CSMD3: variants seen among roughly 807,000 people sequenced by gnomAD.
CSMD3 encodes the protein CUB and Sushi multiple domains 3.
CSMD3 carries 177 observed loss-of-function variants against 435.2 expected under a neutral mutation model. The ratio of observed to expected loss-of-function variants is 0.41; its 90% confidence interval spans 0.36 to 0.46. The LOEUF (loss-of-function observed/expected upper bound fraction) is 0.46. Ranked by LOEUF, CSMD3 falls within the 20% of genes least tolerant of loss-of-function variation. The probability of loss-of-function intolerance (pLI) is 0.34; values close to 1 mark genes in which losing one functional copy is unlikely to be tolerated. For missense variants in CSMD3, 4,265 were observed against 4,504.6 expected (o/e 0.95, Z 1.52); for synonymous variants, 1,656 against 1,520.5 (o/e 1.09, Z -2.07).
At chr8:112,577,298 T>C (rs1830018643) in intron 23 of CSMD3, among the ~76,000 whole-genome samples, 1 of 152,066 alleles carries the variant, frequency 6.6e-6, no homozygotes, top group Non-Finnish European at 1.5e-5. Flanking sequence ...AAAGATAAAT[T>C]ACTTTTAAAG....
At chr8:112,777,287 T>C (rs1037733899) in intron 13 of CSMD3, among the ~76,000 whole-genome samples, 2 of 151,886 alleles carry the variant, frequency 1.3e-5, no homozygotes, top group Admixed American at 1.3e-4. Context: ...AAAAGTAGTA[T>C]GTTTAATGTA....
intron 22 of CSMD3, among the ~76,000 whole-genome samples, chr8:112,626,203 G>A (rs1419055163): frequency 6.6e-6 from 1 of 152,022 alleles, no homozygotes; most frequent in Non-Finnish European, 1.5e-5. Flanking sequence ...CATTTACTAG[G>A]CAGAATAATG....
intron 1 of CSMD3, among the ~76,000 whole-genome samples, chr8:113,328,433 G>A (rs367614049): frequency 6.7e-5 from 9 of 135,068 alleles, no homozygotes; most frequent in African/African-American, 2.0e-4. Flanking sequence ...GCGAGACTCC[G>A]TCTCAAAAAA....
rs1196677425 is a variant in CSMD3, at chr8:112,740,481, T to A, written c.1973-50431A>T. On this transcript the variant is annotated intron_variant, in intron 13 of 70. Transcript: ENST00000297405. ...TGAAGATTCTAAGGTGAGTAAAATA[T>A]AATTTCCACGAGATGTGTAGTGAGG... Among the ~76,000 whole-genome samples, 3 of 151,866 alleles carry A rather than the reference T, an allele frequency of 2.0e-5. No homozygotes were observed. In the East Asian group the frequency reaches 5.8e-4, roughly 29 times the overall value.
intron 1 of CSMD3, among the ~76,000 whole-genome samples, chr8:113,403,289 T>C (rs951739319): frequency 6.6e-6 from 1 of 151,402 alleles, no homozygotes; most frequent in Admixed American, 6.6e-5. Flanking sequence ...GAAAAGATAA[T>C]ATTACTATAG....
rs559938333 is a variant in CSMD3, at chr8:112,413,851, CTG to C, written c.5396-4821_5396-4820del. 1.9e-3 allele frequency among the ~76,000 whole-genome samples: 296 copies of C among 152,274 alleles called. 1 individual carries two copies. Among genetic ancestry groups the C allele is most frequent in the African/African-American group, 6.6e-3 (276 of 41,554 alleles). On this transcript the variant is annotated intron_variant, in intron 32 of 70. Coordinates refer to ENST00000297405, the MANE Select transcript of CSMD3 (RefSeq NM_198123.2). The stretch of plus-strand genomic sequence containing the variant: ...CAACTAGGCCCTGACTATTTTACTT[CTG>C]TGTCTGTCTTTGCATTGTCCAACTT...
At chr8:112,468,232 G>GTGTTTTTTTTT (rs1818152244) in intron 32 of CSMD3, among the ~76,000 whole-genome samples, 2 of 114,882 alleles carry the variant, frequency 1.7e-5, no homozygotes, top group Admixed American at 9.5e-5. Flanking sequence ...ATTGCCTAAA[G>GTGTTTTTTTTT]TATTTTTTTT....
In CSMD3 at chr8:112,502,201, A is replaced by G. The variant is rs146002489; in HGVS notation, c.5083+1589T>C. 8.2e-4 allele frequency among the ~76,000 whole-genome samples: 125 copies of G among 152,256 alleles called. No individual in the cohort carries two copies. The East Asian group carries it at 0.022, about 27-fold the overall frequency. The stretch of plus-strand genomic sequence containing the variant: ...TGTTGTGGTCAAGCTCACTCTCTCT[A>G]AAAGAGTTTCGAACCCATATTCCCA... On this transcript the variant is annotated intron_variant, in intron 30 of 70. Transcript: ENST00000297405.
chr8:112,234,269 T>C, intron 68 of CSMD3, 96 bp downstream of exon 68: 1 of 766,422 alleles, frequency 1.3e-6, no homozygotes, highest in South Asian at 1.4e-5. Context: ...TGTGTATGTA[T>C]TCATAATTAG....
intron 32 of CSMD3, among the ~76,000 whole-genome samples, chr8:112,449,847 C>T (rs969737980): frequency 5.3e-5 from 8 of 152,084 alleles, no homozygotes; most frequent in East Asian, 1.9e-4. Context: ...CTCAGCCTCC[C>T]GAGTAGCTGG....
At chr8:112,893,620 A>G (rs16884198) in intron 10 of CSMD3, among the ~76,000 whole-genome samples, 4,832 of 151,554 alleles carry the variant, frequency 0.032, 108 homozygotes, top group Non-Finnish European at 0.042. Context: ...TCCTTCCTCC[A>G]TATTTTGCAT....
intron 22 of CSMD3, among the ~76,000 whole-genome samples, chr8:112,621,598 G>C (rs1047772074): frequency 2.0e-5 from 3 of 152,084 alleles, no homozygotes; most frequent in Admixed American, 6.6e-5. Flanking sequence ...CATTTTAGCA[G>C]CATTTGTGGA....
intron 27 of CSMD3, among the ~76,000 whole-genome samples, chr8:112,527,107 T>C (rs1354625158): frequency 2.6e-5 from 4 of 151,874 alleles, no homozygotes; most frequent in Non-Finnish European, 5.9e-5. Context: ...ACCAAGTGAA[T>C]AATTATATTA....
At chr8:112,659,457 AAAACATTCTTG>A (rs2075329124) in intron 17 of CSMD3, among the ~76,000 whole-genome samples, 1 of 152,186 alleles carries the variant, frequency 6.6e-6, no homozygotes, top group Admixed American at 6.5e-5. Context: ...TTGTCTTTAA[AAAACATTCTTG>A]ATGTAATCCA....
At chr8:112,508,251 C>G (rs190466027) in intron 28 of CSMD3, among the ~76,000 whole-genome samples, 96 of 152,190 alleles carry the variant, frequency 6.3e-4, no homozygotes, top group African/African-American at 2.1e-3. Flanking sequence ...CTTACTTTCA[C>G]TTTTTTTAAC....
intron 3 of CSMD3, among the ~76,000 whole-genome samples, chr8:113,208,730 G>A (rs1296855156): frequency 6.6e-6 from 1 of 151,798 alleles, no homozygotes; most frequent in African/African-American, 2.4e-5. Context: ...TTTTAATGCA[G>A]CAACATTAAT....
At chr8:112,956,239 C>T (rs1336550310) in intron 7 of CSMD3, among the ~76,000 whole-genome samples, 1 of 151,880 alleles carries the variant, frequency 6.6e-6, no homozygotes, top group Non-Finnish European at 1.5e-5. Context: ...ACTGTGAATC[C>T]TTATTCATGG....
In CSMD3 at chr8:113,205,914, AATC is replaced by A. The variant is rs141389872; in HGVS notation, c.515-32001_515-31999del. On this transcript the variant is annotated intron_variant, in intron 3 of 70. Transcript: ENST00000297405. ...GTTCAGGTTAGATGTGGACAGTTAT[AATC>A]ATCTTTTTTTTTTGTCAGTGTAGAA... is the stretch of plus-strand genomic sequence containing the variant. Among the ~76,000 whole-genome samples the A allele has an allele frequency of 3.5e-3, 533 of 152,264 alleles. 2 individuals are homozygous for A. Among genetic ancestry groups the A allele is most frequent in the African/African-American group, 0.012 (497 of 41,570 alleles).
intron 3 of CSMD3, among the ~76,000 whole-genome samples, chr8:113,202,630 CT>C (rs2092726747): frequency 6.6e-6 from 1 of 152,074 alleles, no homozygotes; most frequent in Non-Finnish European, 1.5e-5. Flanking sequence ...TCTCAAAGAA[CT>C]TGGTAAGCAC....
Sources: allele counts gnomAD v4.1 joint callset (sites outside exome capture counted in the v4.1 genomes callset), GRCh38; gene constraint gnomAD v4.1.1; transcripts MANE v1.5; gene names NCBI Gene and HGNC (gene_info 2026-07-23, HGNC 2026-07-21).